The following NCS1 variants were observed in gnomAD, a reference collection of about 807,000 sequenced individuals.
NCS1 encodes the protein frequenin homolog.
In NCS1, 6 loss-of-function variants were observed where a neutral mutation model predicts 28.4. The ratio of observed to expected loss-of-function variants is 0.21; its 90% CI spans 0.12 to 0.42. The LOEUF (loss-of-function observed/expected upper bound fraction) is 0.42, where lower values mean the gene tolerates loss of function less well. Ranked by LOEUF, NCS1 falls within the 10% of genes least tolerant of loss-of-function variation. The pLI is 1.00. For synonymous variants in NCS1, 86 were observed against 99.3 expected (o/e 0.87, Z 0.79); for missense variants, 131 against 241.4 (o/e 0.54, Z 3.03).
intron 2 of NCS1, among the ~76,000 whole-genome samples, chr9:130,214,566 G>A (rs1478472264): frequency 3.3e-5 from 5 of 152,302 alleles, no homozygotes; most frequent in African/African-American, 1.2e-4. Context: ...CACACGTGAA[G>A]CGAACTGGGG....
At chr9:130,222,980 C>T (rs3928892) in intron 5 of NCS1, 102 bp from the exon 6 acceptor site, 21 of 194,152 alleles carry the variant, frequency 1.1e-4, no homozygotes, top group African/African-American at 3.5e-4. Context: ...AAGAGGGGGG[C>T]GGCCCTCATC....
rs11482915 is a variant in NCS1, at chr9:130,233,613, G to GT, written c.*650dup. On this transcript the variant is annotated 3_prime_UTR_variant, in exon 8 of 8. Coordinates refer to ENST00000372398, the MANE Select transcript of NCS1 (RefSeq NM_014286.4). This position sits in a 1 kb window ranked among gnomAD's most constrained non-coding sequence, Gnocchi z 4.8. ...TTGTGCTTTTTGTGGGGAAAGTGAG[G>GT]TTTTTTTTTATATACATATATAATT... 81,733 of 151,248 alleles carry GT rather than the reference G, an allele frequency of 0.54. 23,333 individuals are homozygous for GT. The highest frequency in any genetic ancestry group is 0.68 in the Middle Eastern group (196 of 290). The allele number at this position is 151,248 out of a possible 1,614,324, so 9.4% of individuals were successfully genotyped here.
In NCS1 at chr9:130,214,931, A is replaced by G. The variant is rs554579657; in HGVS notation, c.90-2901A>G. ...TCCCTCTGCAAAGACCTTCACTGCC[A>G]GCCTTTCACAGCTGCTCACTGTGCT... On this transcript the variant is annotated intron_variant, in intron 2 of 7. Coordinates refer to ENST00000372398, the MANE Select transcript of NCS1 (RefSeq NM_014286.4). Among the ~76,000 whole-genome samples, 8 of 152,338 alleles carry G rather than the reference A, an allele frequency of 5.3e-5. No individual in the cohort carries two copies. The East Asian group carries it at 1.5e-3, about 29-fold the overall frequency.
intron 1 of NCS1, among the ~76,000 whole-genome samples, chr9:130,185,273 G>A (rs1832724069): frequency 6.6e-6 from 1 of 152,272 alleles, no homozygotes; most frequent in Non-Finnish European, 1.5e-5. Flanking sequence ...GTGGCTGCCG[G>A]AGTAGCCCCT....
At chr9:130,204,206 A>G (rs2131138426) in intron 2 of NCS1, among the ~76,000 whole-genome samples, 1 of 152,184 alleles carries the variant, frequency 6.6e-6, no homozygotes, top group African/African-American at 2.4e-5. Context: ...CATGTTGGCC[A>G]GGCTGGTCTT....
Position 130,200,501 on chromosome 9 carries a change from C to CT in NCS1, c.65-453dup. ...TCCACCCTTCTGCTGAGAGCTGCCC[C>CT]TTTTCAGCCTAGCTCCCCCCACCCC... On this transcript the variant is annotated intron_variant, in intron 1 of 7. Transcript: ENST00000372398. 2.7e-6 allele frequency: 4 copies of CT among 1,465,216 alleles called. No individual in the cohort carries two copies. In the South Asian group the frequency reaches 3.7e-5, roughly 13 times the overall value. 90.8% of individuals were successfully genotyped at this position (1,465,216 alleles called of 1,614,324 possible).
At chr9:130,227,530 A>T (rs1247654288) in intron 7 of NCS1, among the ~76,000 whole-genome samples, 24 of 152,168 alleles carry the variant, frequency 1.6e-4, no homozygotes, top group Non-Finnish European at 1.8e-4. Context: ...AGTGTATGAG[A>T]GTTCCAGTTG....
At chr9:130,194,575 C>T (rs551812570) in intron 1 of NCS1, among the ~76,000 whole-genome samples, 1 of 152,202 alleles carries the variant, frequency 6.6e-6, no homozygotes, top group Non-Finnish European at 1.5e-5. Flanking sequence ...CCTCAACAAC[C>T]TTGACAATGG....
At chr9:130,231,329 G>A (rs1833498604) in intron 7 of NCS1, among the ~76,000 whole-genome samples, 2 of 150,572 alleles carry the variant, frequency 1.3e-5, no homozygotes, top group African/African-American at 2.4e-5. Context: ...TCCAGCCTGG[G>A]TGATAAAGTG....
chr9:130,197,322 C>G (rs1273688734), intron 1 of NCS1, among the ~76,000 whole-genome samples: 23 of 152,116 alleles, frequency 1.5e-4, no homozygotes, highest in Admixed American at 1.5e-3. Flanking sequence ...TAAGTAAAAG[C>G]AAATTGAGAT....
At chr9:130,194,480 C>G (rs1832854364) in intron 1 of NCS1, among the ~76,000 whole-genome samples, 1 of 152,150 alleles carries the variant, frequency 6.6e-6, no homozygotes, top group Admixed American at 6.5e-5. Flanking sequence ...CTCTGGCTCT[C>G]TGGGGGTCAG....
intron 1 of NCS1, 128 bp downstream of exon 1, chr9:130,172,855 C>A (rs1832504298): frequency 1.8e-5 from 8 of 437,442 alleles, no homozygotes. Context: ...CCCCGCCCGG[C>A]CTCCAATGTG....
chr9:130,201,063 C>A, intron 2 of NCS1, 81 bp downstream of exon 2: 1 of 1,585,294 alleles, frequency 6.3e-7, no homozygotes. Context: ...GGACAGCAGT[C>A]CAGCTGCTCA....
intron 2 of NCS1, 32 bp downstream of exon 2, chr9:130,201,014 G>C: frequency 6.2e-7 from 1 of 1,614,132 alleles, no homozygotes. Context: ...AACCGTAGAG[G>C]GGCTGCGGCT....
chr9:130,196,888 A>T (rs1832884356), intron 1 of NCS1, among the ~76,000 whole-genome samples: 1 of 152,130 alleles, frequency 6.6e-6, no homozygotes, highest in Admixed American at 6.6e-5. Context: ...TTTCCTGCTG[A>T]TCTGGACCCG....
At chr9:130,176,138 T>TTTTTCTTTC (rs1564700638) in intron 1 of NCS1, among the ~76,000 whole-genome samples, 3 of 102,218 alleles carry the variant, frequency 2.9e-5, no homozygotes, top group Non-Finnish European at 5.6e-5. Flanking sequence ...TATTTGTTCA[T>TTTTTCTTTC]TTTCTTTCTT....
At chr9:130,206,900 G>A (rs1833030963) in intron 2 of NCS1, among the ~76,000 whole-genome samples, 1 of 152,174 alleles carries the variant, frequency 6.6e-6, no homozygotes, top group Non-Finnish European at 1.5e-5. Context: ...GGCCACAGTG[G>A]ACATGGTTTT....
chr9:130,173,871 A>C (rs897809603), intron 1 of NCS1, among the ~76,000 whole-genome samples: 2 of 152,150 alleles, frequency 1.3e-5, no homozygotes, highest in Non-Finnish European at 2.9e-5. Context: ...GCACGTCTGC[A>C]GGTCTGTCCA....
chr9:130,205,333 C>T (rs1355414681), intron 2 of NCS1, among the ~76,000 whole-genome samples: 2 of 151,916 alleles, frequency 1.3e-5, no homozygotes, highest in Non-Finnish European at 2.9e-5. Context: ...CAGGGACCCT[C>T]AGCTGTGTGA....
Sources: gnomAD v4.1 joint callset for allele counts (sites outside exome capture counted in the v4.1 genomes callset) on GRCh38, gnomAD v4.1.1 for gene constraint, Gnocchi (gnomAD v3.1) non-coding constraint, MANE v1.5 for transcripts, NCBI Gene and HGNC (gene_info 2026-07-23, HGNC 2026-07-21) for gene names.